SNTB1: variants seen among roughly 807,000 people sequenced by gnomAD.
SNTB1 encodes the protein beta-1-syntrophin.
A neutral mutation model predicts 48.9 loss-of-function variants in SNTB1; 36 were observed. The observed-to-expected ratio is 0.74, with a 90% CI of 0.56 to 0.97. SNTB1 has a LOEUF of 0.97. Ranked by LOEUF, SNTB1 falls within the 50% of genes least tolerant of loss-of-function variation. SNTB1 has a pLI of 0.00. For missense variants in SNTB1, 786 were observed against 703.4 expected, an observed-to-expected ratio of 1.12 and a Z score of -1.33; for synonymous variants, 299 against 294.6, an observed-to-expected ratio of 1.01 and a Z score of -0.15.
At chr8:120,651,154 A>G (rs1349581873) in intron 2 of SNTB1, among the ~76,000 whole-genome samples, 9 of 152,206 alleles carry the variant, frequency 5.9e-5, no homozygotes, top group Non-Finnish European at 1.3e-4. Flanking sequence ...TATTGGTCCA[A>G]TGAAGCATGG....
chr8:120,616,296 T>C (rs1816712712), intron 3 of SNTB1, among the ~76,000 whole-genome samples: 1 of 118,120 alleles, frequency 8.5e-6, no homozygotes, highest in African/African-American at 3.2e-5. Context: ...AAGATTAGCT[T>C]GATTTTTTTT....
intron 4 of SNTB1, among the ~76,000 whole-genome samples, chr8:120,561,319 CAAA>C (rs1221884195): frequency 2.2e-5 from 1 of 45,670 alleles, no homozygotes; most frequent in African/African-American, 8.5e-5. Flanking sequence ...AACTCCATCT[CAAA>C]AAAAAAAAAA....
intron 4 of SNTB1, among the ~76,000 whole-genome samples, chr8:120,555,952 G>T (rs909920795): frequency 1.3e-5 from 2 of 152,150 alleles, no homozygotes; most frequent in African/African-American, 4.8e-5. Flanking sequence ...TGACAGCACC[G>T]TGATCTTGGA....
intron 1 of SNTB1, among the ~76,000 whole-genome samples, chr8:120,704,755 C>T (rs1023599308): frequency 4.6e-5 from 7 of 152,044 alleles, no homozygotes; most frequent in Non-Finnish European, 1.5e-5. Flanking sequence ...ACACCTAATG[C>T]TTATGATGAC....
At chr8:120,727,211 C>T (rs1818772000) in intron 1 of SNTB1, among the ~76,000 whole-genome samples, 1 of 152,126 alleles carries the variant, frequency 6.6e-6, no homozygotes, top group Non-Finnish European at 1.5e-5. Flanking sequence ...AGTTGTCATG[C>T]ATTAAAAAGC....
intron 4 of SNTB1, among the ~76,000 whole-genome samples, chr8:120,560,639 T>G (rs1314625650): frequency 1.3e-5 from 2 of 152,184 alleles, no homozygotes; most frequent in Non-Finnish European, 2.9e-5. Flanking sequence ...CAAAACAGCT[T>G]GGAGTCAATT....
intron 2 of SNTB1, chr8:120,637,230 C>T: frequency 2.9e-6 from 1 of 344,932 alleles, no homozygotes; most frequent in Non-Finnish European, 5.7e-6. Flanking sequence ...AGGATTCTAC[C>T]ATAACAAAAT....
intron 1 of SNTB1, among the ~76,000 whole-genome samples, chr8:120,797,272 G>A (rs935435198): frequency 2.0e-5 from 3 of 152,004 alleles, no homozygotes; most frequent in South Asian, 4.1e-4. Context: ...ATCCTGTGAC[G>A]TTAAAATTTT....
chr8:120,641,193 G>T (rs1817189996), intron 2 of SNTB1, among the ~76,000 whole-genome samples: 1 of 152,160 alleles, frequency 6.6e-6, no homozygotes, highest in South Asian at 2.1e-4. Flanking sequence ...AGTTCTCACT[G>T]TTCAGTAAAG....
intron 3 of SNTB1, among the ~76,000 whole-genome samples, chr8:120,626,236 T>A (rs530831424): frequency 6.6e-6 from 1 of 151,702 alleles, no homozygotes; most frequent in Non-Finnish European, 1.5e-5. Flanking sequence ...GAGAGAGAGA[T>A]CAATATAGTC....
chr8:120,739,421 CA>C (rs1819006503), intron 1 of SNTB1, among the ~76,000 whole-genome samples: 1 of 152,164 alleles, frequency 6.6e-6, no homozygotes, highest in African/African-American at 2.4e-5. Context: ...CAGTCCTTTT[CA>C]AACACAAAGA....
chr8:120,787,220 A>C (rs1019008582), intron 1 of SNTB1, among the ~76,000 whole-genome samples: 1 of 152,230 alleles, frequency 6.6e-6, no homozygotes, highest in Non-Finnish European at 1.5e-5. Flanking sequence ...TTTTAAAAAA[A>C]GTTGAATCAA....
intron 1 of SNTB1, among the ~76,000 whole-genome samples, chr8:120,702,895 G>A (rs1818329010): frequency 6.6e-6 from 1 of 152,130 alleles, no homozygotes; most frequent in South Asian, 2.1e-4. Flanking sequence ...TGTGAAAAAT[G>A]AGGATGCATA....
chr8:120,747,901 A>G (rs1276728155), intron 1 of SNTB1, among the ~76,000 whole-genome samples: 1 of 152,232 alleles, frequency 6.6e-6, no homozygotes, highest in African/African-American at 2.4e-5. Context: ...GTCTAGAACA[A>G]TGTACTAATT....
intron 5 of SNTB1, among the ~76,000 whole-genome samples, chr8:120,546,945 T>A (rs566002409): frequency 1.3e-5 from 2 of 152,234 alleles, no homozygotes; most frequent in Middle Eastern, 3.2e-3. Flanking sequence ...ATCAGTGGCA[T>A]AACTGTGGGA....
chr8:120,735,275 G>A (rs753543838), intron 1 of SNTB1, among the ~76,000 whole-genome samples: 2 of 152,126 alleles, frequency 1.3e-5, no homozygotes, highest in Non-Finnish European at 2.9e-5. Context: ...AGGGGACCTG[G>A]AGCCCTGAAG....
chr8:120,641,163 G>A (rs1817188958), intron 2 of SNTB1, among the ~76,000 whole-genome samples: 1 of 152,156 alleles, frequency 6.6e-6, no homozygotes. Context: ...TAAATCTGGG[G>A]TGAGTTCATT....
chr8:120,635,812 G>T, intron 2 of SNTB1: 1 of 251,884 alleles, frequency 4.0e-6, no homozygotes, highest in South Asian at 6.8e-5. Flanking sequence ...TCCCTAAGAA[G>T]AGTCATATGT....
At chr8:120,599,234 C>T (rs1256850251) in intron 3 of SNTB1, among the ~76,000 whole-genome samples, 1 of 152,158 alleles carries the variant, frequency 6.6e-6, no homozygotes, top group Non-Finnish European at 1.5e-5. Flanking sequence ...GATTATTCAT[C>T]AGTGGCCGTA....
Sources: gnomAD v4.1 joint callset for allele counts (sites outside exome capture counted in the v4.1 genomes callset) on GRCh38, gnomAD v4.1.1 for gene constraint, MANE v1.5 for transcripts, NCBI Gene and HGNC (gene_info 2026-07-23, HGNC 2026-07-21) for gene names.